The following ME3 variants were observed in gnomAD, a reference collection of about 807,000 sequenced individuals.
The protein encoded by ME3 is NADP-dependent malic enzyme, mitochondrial.
A neutral mutation model predicts 68.9 loss-of-function variants in ME3; 48 were observed. The ratio of observed to expected loss-of-function variants is 0.70; its 90% CI spans 0.55 to 0.89. The LOEUF (loss-of-function observed/expected upper bound fraction) is 0.89. ME3 is among the 40% of genes least tolerant of loss of function. The pLI is 0.00. For synonymous variants in ME3, 320 were observed against 318.8 expected, an observed-to-expected ratio of 1.00 and a Z score of -0.04; for missense variants, 675 against 797.4, an observed-to-expected ratio of 0.85 and a Z score of 1.85.
intron 2 of ME3, among the ~76,000 whole-genome samples, chr11:86,647,827 TG>T: frequency 1.3e-5 from 2 of 152,180 alleles, no homozygotes; most frequent in Non-Finnish European, 2.9e-5. Flanking sequence ...AACACCCCAC[TG>T]TCAATATTAG....
exon 13 of ME3, chr11:86,446,413 C>A: frequency 6.2e-7 from 1 of 1,614,186 alleles, no homozygotes; most frequent in Non-Finnish European, 8.5e-7. Flanking sequence ...TGTTTCCCTG[C>A]CCAGGAATGA....
At chr11:86,573,429 T>C (rs530020114) in intron 2 of ME3, among the ~76,000 whole-genome samples, 2 of 38,620 alleles carry the variant, frequency 5.2e-5, no homozygotes, top group East Asian at 2.0e-3. Flanking sequence ...CATTTTAGTC[T>C]TTTTTTTTTT....
At chr11:86,460,577 G>GC (rs1950181341) in intron 8 of ME3, among the ~76,000 whole-genome samples, 1 of 152,178 alleles carries the variant, frequency 6.6e-6, no homozygotes, top group Non-Finnish European at 1.5e-5. Flanking sequence ...CTCGATTCCA[G>GC]CCCCCTCCAT....
intron 2 of ME3, among the ~76,000 whole-genome samples, chr11:86,598,953 A>C (rs1442068143): frequency 6.6e-6 from 1 of 152,140 alleles, no homozygotes; most frequent in African/African-American, 2.4e-5. Context: ...CCATCTGTAC[A>C]TCACCATCAT....
rs1342880803 is a variant in ME3, at chr11:86,447,295, T to C, written c.1238-88A>G. 7.2e-6 allele frequency: 11 copies of C among 1,526,724 alleles called. No individual in the cohort carries two copies. The African/African-American group carries it at 1.5e-4, about 21-fold the overall frequency. The allele number at this position is 1,526,724 out of a possible 1,614,324, so 94.6% of individuals were successfully genotyped here. A position where few individuals can be genotyped will look rare whatever the true frequency, so the allele number is the denominator to read the frequency against. ...CTGGTGGTGGTGGGGGAACTAGGAA[T>C]ACCATGAAAGACTCGGTCTTGGGCC... On this transcript the variant is annotated intron_variant, in intron 11 of 14. Transcript: ENST00000543262.
chr11:86,450,083 C>G (rs1052568892), intron 9 of ME3, 81 bp from the exon 10 acceptor site: 3 of 1,222,582 alleles, frequency 2.5e-6, no homozygotes, highest in Non-Finnish European at 3.5e-6. Flanking sequence ...CCATAAGGAC[C>G]CCCTTTTCTT....
intron 13 of ME3, 32 bp downstream of exon 13, chr11:86,446,282 G>T (rs1949284336): frequency 6.2e-7 from 1 of 1,611,036 alleles, no homozygotes; most frequent in Admixed American, 1.7e-5. Flanking sequence ...AGACCCTACT[G>T]CAAGCATTTG....
chr11:86,447,294 A>G, intron 11 of ME3, 87 bp from the exon 12 acceptor site: 1 of 1,529,554 alleles, frequency 6.5e-7, no homozygotes, highest in South Asian at 1.2e-5. Flanking sequence ...GGAACTAGGA[A>G]TACCATGAAA....
chr11:86,528,995 A>G (rs1954991206), intron 4 of ME3, among the ~76,000 whole-genome samples: 2 of 152,192 alleles, frequency 1.3e-5, no homozygotes, highest in African/African-American at 2.4e-5. Flanking sequence ...AAGGCAAGAA[A>G]TAACTAAGAT....
At chr11:86,516,654 G>C (rs112893398) in intron 4 of ME3, among the ~76,000 whole-genome samples, 3 of 152,122 alleles carry the variant, frequency 2.0e-5, no homozygotes, top group Admixed American at 6.5e-5. Flanking sequence ...GCCTCCCAAA[G>C]TGCTGGGATT....
chr11:86,601,464 G>C (rs1265234379), intron 2 of ME3, among the ~76,000 whole-genome samples: 1 of 149,166 alleles, frequency 6.7e-6, no homozygotes, highest in Non-Finnish European at 1.5e-5. Context: ...ATAATCACTA[G>C]CTCACCAACC....
chr11:86,471,370 A>G (rs1428896090), intron 7 of ME3, among the ~76,000 whole-genome samples: 1 of 151,930 alleles, frequency 6.6e-6, no homozygotes, highest in Non-Finnish European at 1.5e-5. Context: ...TCTTGACCTC[A>G]TGATCCACCC....
chr11:86,583,853 A>G (rs971117816), intron 2 of ME3, among the ~76,000 whole-genome samples: 1 of 152,210 alleles, frequency 6.6e-6, no homozygotes, highest in Non-Finnish European at 1.5e-5. Flanking sequence ...ACCTGAAACT[A>G]TAAAACTCCT....
At chr11:86,477,110 A>G (rs1870323) in intron 7 of ME3, among the ~76,000 whole-genome samples, 56,958 of 152,080 alleles carry the variant, frequency 0.37, 11,184 homozygotes, top group South Asian at 0.45. Flanking sequence ...TTTATCCATC[A>G]TAAGTACTCT....
At position 86,546,546 on chromosome 11, in the gene ME3, C is replaced by T. The variant is rs149990805; in HGVS notation, c.467+10007G>A. 7.3e-3 allele frequency among the ~76,000 whole-genome samples: 1,109 copies of T among 152,210 alleles called. 11 individuals are homozygous for T. The highest frequency in any genetic ancestry group is 0.011 in the Non-Finnish European group (765 of 68,002). On this transcript the variant is annotated intron_variant, in intron 4 of 14. Transcript: ENST00000543262. ...TTCTCAAAAGAAGACATTAATGCCA[C>T]CAACAAAAATATGAAAAAATGCTCA...
chr11:86,565,217 C>A (rs1051336892), intron 2 of ME3, among the ~76,000 whole-genome samples: 3 of 151,932 alleles, frequency 2.0e-5, no homozygotes, highest in East Asian at 3.8e-4. Flanking sequence ...ACACACACCC[C>A]CCCTAGGAAA....
chr11:86,622,445 A>G (rs1943405981), intron 2 of ME3, among the ~76,000 whole-genome samples: 1 of 152,002 alleles, frequency 6.6e-6, no homozygotes, highest in Non-Finnish European at 1.5e-5. Context: ...AGAATACCTA[A>G]TAGTGTCTGT....
In ME3 at chr11:86,647,203, A is replaced by G. The variant is rs572212972; in HGVS notation, c.183+24559T>C. Among the ~76,000 whole-genome samples, 91 of 152,380 alleles carry G rather than the reference A, an allele frequency of 6.0e-4. 1 individual carries two copies. The South Asian group carries it at 0.019, about 31-fold the overall frequency. On this transcript the variant is annotated intron_variant, in intron 2 of 14. Transcript: ENST00000543262. Reference sequence around the variant, plus strand: ...CAGGATCAGATTCACACATAACAATATTAACCTTAAATGTAAATGGACTAA... The same window carrying G: ...CAGGATCAGATTCACACATAACAATGTTAACCTTAAATGTAAATGGACTAA...
chr11:86,629,133 T>G (rs1173099135), intron 2 of ME3, among the ~76,000 whole-genome samples: 6 of 152,170 alleles, frequency 3.9e-5, no homozygotes, highest in African/African-American at 1.2e-4. Context: ...GTTTGTCTTT[T>G]GGGGAAAGAA....
Sources: allele counts gnomAD v4.1 joint callset (sites outside exome capture counted in the v4.1 genomes callset), GRCh38; gene constraint gnomAD v4.1.1; transcripts MANE v1.5; gene names NCBI Gene and HGNC (gene_info 2026-07-23, HGNC 2026-07-21).